Variants in GALNTL6 observed in about 807,000 individuals in gnomAD.
GALNTL6 encodes polypeptide N-acetylgalactosaminyltransferase like 6.
A neutral mutation model predicts 73.7 loss-of-function variants in GALNTL6; 46 were observed. The ratio of observed to expected loss-of-function variants is 0.62; its 90% CI spans 0.49 to 0.80. The LOEUF (loss-of-function observed/expected upper bound fraction) is 0.80, where lower values mean the gene tolerates loss of function less well. GALNTL6 is among the 30% of genes least tolerant of loss of function. GALNTL6 has a pLI of 0.00. For missense variants in GALNTL6, 604 were observed against 755.0 expected, an observed-to-expected ratio of 0.80 and a Z score of 2.34; for synonymous variants, 259 against 263.7, an observed-to-expected ratio of 0.98 and a Z score of 0.17.
chr4:172,411,021 G>A (rs745434641), intron 5 of GALNTL6, among the ~76,000 whole-genome samples: 7 of 152,142 alleles, frequency 4.6e-5, no homozygotes, highest in Non-Finnish European at 8.8e-5. Flanking sequence ...AAATGTCACA[G>A]ATTATGTACA....
At chr4:172,190,643 A>G (rs1419448297) in intron 2 of GALNTL6, among the ~76,000 whole-genome samples, 4 of 152,224 alleles carry the variant, frequency 2.6e-5, no homozygotes, top group Admixed American at 2.6e-4. Flanking sequence ...AGAGAGGTCT[A>G]TAGAAGGATA....
intron 2 of GALNTL6, among the ~76,000 whole-genome samples, chr4:171,967,450 T>TTTTTTGTTTTTG (rs1553976655): frequency 7.5e-6 from 1 of 133,364 alleles, no homozygotes; most frequent in Non-Finnish European, 1.5e-5. Flanking sequence ...CCTATGGGTT[T>TTTTTTGTTTTTG]TTTTTTTTTT....
intron 5 of GALNTL6, among the ~76,000 whole-genome samples, chr4:172,417,172 ATGTG>A (rs201314253): frequency 5.4e-5 from 8 of 148,996 alleles, no homozygotes; most frequent in Admixed American, 2.0e-4. Context: ...CTGTTGCTTT[ATGTG>A]TGTGTGTGTG....
intron 2 of GALNTL6, among the ~76,000 whole-genome samples, chr4:172,086,526 C>T (rs1344687863): frequency 2.0e-5 from 3 of 151,848 alleles, no homozygotes; most frequent in African/African-American, 7.3e-5. Flanking sequence ...TTCCTATAAA[C>T]TTTATTCCTA....
Position 172,629,042 on chromosome 4 carries a change from C to T in GALNTL6, c.554-180319C>T, listed in dbSNP as rs192505798. ...CACAGCCTTCTTGATTTACCAAATC[C>T]TTATCTAAACACACAAAGACATCCA... is the stretch of plus-strand genomic sequence containing the variant. On this transcript the variant is annotated intron_variant, in intron 5 of 12. Transcript: ENST00000506823. Among the ~76,000 whole-genome samples, 601 of 152,230 alleles carry T rather than the reference C, an allele frequency of 3.9e-3. 6 individuals carry two copies. The highest frequency in any genetic ancestry group is 6.8e-3 in the Middle Eastern group (2 of 294).
At chr4:172,688,847 C>G (rs1364985992) in intron 5 of GALNTL6, among the ~76,000 whole-genome samples, 1 of 152,110 alleles carries the variant, frequency 6.6e-6, no homozygotes, top group Non-Finnish European at 1.5e-5. Context: ...AAAGGCATTT[C>G]TTTTTATATT....
At chr4:172,497,227 A>G (rs890046070) in intron 5 of GALNTL6, among the ~76,000 whole-genome samples, 3 of 152,352 alleles carry the variant, frequency 2.0e-5, no homozygotes, top group South Asian at 2.1e-4. Context: ...ATTTAAGCAC[A>G]ATTATTGAAT....
At chr4:171,915,600 C>G (rs1737594345) in intron 2 of GALNTL6, among the ~76,000 whole-genome samples, 2 of 151,944 alleles carry the variant, frequency 1.3e-5, no homozygotes, top group South Asian at 4.1e-4. Flanking sequence ...CACTGCTTTC[C>G]CAAATGTATT....
intron 7 of GALNTL6, among the ~76,000 whole-genome samples, chr4:172,876,629 G>T (rs977578761): frequency 2.6e-5 from 4 of 152,048 alleles, no homozygotes; most frequent in Non-Finnish European, 5.9e-5. Flanking sequence ...TGCATACCAG[G>T]AGAATAGTCC....
chr4:172,868,112 T>C (rs1316387053), intron 7 of GALNTL6, among the ~76,000 whole-genome samples: 1 of 152,232 alleles, frequency 6.6e-6, no homozygotes, highest in Non-Finnish European at 1.5e-5. Flanking sequence ...CAGTTTTCTA[T>C]TCTATTTACA....
intron 2 of GALNTL6, among the ~76,000 whole-genome samples, chr4:172,077,974 A>C (rs1469667270): frequency 3.3e-5 from 5 of 152,148 alleles, no homozygotes; most frequent in Non-Finnish European, 5.9e-5. Context: ...AAAGGGACCA[A>C]GGTACAGCTT....
chr4:172,584,133 C>CAA (rs61238256), intron 5 of GALNTL6, among the ~76,000 whole-genome samples: 1 of 140,122 alleles, frequency 7.1e-6, no homozygotes, highest in Non-Finnish European at 1.6e-5. Context: ...TAAGTAATTG[C>CAA]AAAAAAAAAA....
At chr4:172,635,292 G>A (rs564127857) in intron 5 of GALNTL6, among the ~76,000 whole-genome samples, 2 of 152,124 alleles carry the variant, frequency 1.3e-5, no homozygotes, top group East Asian at 3.9e-4. Context: ...AATATAGTGC[G>A]ACTGTTTATT....
intron 5 of GALNTL6, among the ~76,000 whole-genome samples, chr4:172,664,507 G>C (rs774875603): frequency 1.3e-5 from 2 of 152,094 alleles, no homozygotes; most frequent in Non-Finnish European, 2.9e-5. Context: ...CATAACTAAG[G>C]TATGTTGGAC....
intron 5 of GALNTL6, among the ~76,000 whole-genome samples, chr4:172,489,542 C>T (rs6850646): frequency 2.0e-5 from 3 of 152,062 alleles, no homozygotes; most frequent in Non-Finnish European, 4.4e-5. Flanking sequence ...TGTTTATACG[C>T]ACAGAGCAAT....
At chr4:172,109,287 C>G (rs920420705) in intron 2 of GALNTL6, among the ~76,000 whole-genome samples, 2 of 151,888 alleles carry the variant, frequency 1.3e-5, no homozygotes, top group East Asian at 3.9e-4. Flanking sequence ...AAGAATTGTA[C>G]TCAGTCAAAT....
intron 8 of GALNTL6, among the ~76,000 whole-genome samples, chr4:172,904,107 T>C (rs1237113788): frequency 6.6e-6 from 1 of 152,232 alleles, no homozygotes; most frequent in Non-Finnish European, 1.5e-5. Flanking sequence ...GTTTAAACAA[T>C]ATTTAATTAA....
chr4:172,259,031 G>C (rs1299408733), intron 3 of GALNTL6, among the ~76,000 whole-genome samples: 1 of 151,042 alleles, frequency 6.6e-6, no homozygotes, highest in Non-Finnish European at 1.5e-5. Context: ...TATTTTTGCA[G>C]TTGTGAAGTG....
At chr4:172,799,750 T>C (rs1740499655) in intron 5 of GALNTL6, among the ~76,000 whole-genome samples, 1 of 152,170 alleles carries the variant, frequency 6.6e-6, no homozygotes, top group African/African-American at 2.4e-5. Flanking sequence ...TTGATCCAGA[T>C]ATTCCACTTC....
Sources: allele counts gnomAD v4.1 joint callset (sites outside exome capture counted in the v4.1 genomes callset), GRCh38; gene constraint gnomAD v4.1.1; transcripts MANE v1.5; gene names NCBI Gene and HGNC (gene_info 2026-07-23, HGNC 2026-07-21).